The following ELP3 variants were observed in gnomAD, a reference collection of about 807,000 sequenced individuals.
ELP3 encodes elongator acetyltransferase complex subunit 3.
A neutral mutation model predicts 74.9 loss-of-function variants in ELP3; 56 were observed. That is an observed-to-expected ratio of 0.75 (90% CI 0.60 to 0.93). The LOEUF (loss-of-function observed/expected upper bound fraction) is 0.93, where lower values mean the gene tolerates loss of function less well. Ranked by LOEUF, ELP3 falls within the 40% of genes least tolerant of loss-of-function variation. The pLI, the probability that ELP3 is intolerant of heterozygous loss-of-function variation, is 0.00. For synonymous variants in ELP3, 222 were observed against 239.8 expected (o/e 0.93, Z 0.68); for missense variants, 573 against 686.5 (o/e 0.83, Z 1.85).
At chr8:28,140,012 TA>T (rs1813166244) in intron 10 of ELP3, among the ~76,000 whole-genome samples, 1 of 152,200 alleles carries the variant, frequency 6.6e-6, no homozygotes, top group South Asian at 2.1e-4. Flanking sequence ...ATGCAAATAC[TA>T]CACCATTTTA....
At chr8:28,157,443 G>A (rs1265894374) in intron 11 of ELP3, among the ~76,000 whole-genome samples, 1 of 152,108 alleles carries the variant, frequency 6.6e-6, no homozygotes, top group African/African-American at 2.4e-5. Context: ...GATCATCTTC[G>A]TCTGCTGTAC....
intron 14 of ELP3, among the ~76,000 whole-genome samples, chr8:28,178,883 C>G (rs115324595): frequency 2.2e-3 from 333 of 152,232 alleles, no homozygotes; most frequent in African/African-American, 7.3e-3. Context: ...TGTTTACTGG[C>G]CATTTGGAGA....
chr8:28,137,766 G>T lies in ELP3; in HGVS notation c.975G>T (p.Gly325=), dbSNP rs1813046960. 3.7e-6 allele frequency: 6 copies of T among 1,614,002 alleles called. No individual in the cohort carries two copies. Among genetic ancestry groups the T allele is most frequent in the Middle Eastern group, 3.3e-4 (2 of 6,084 alleles). The change falls in exon 10 of 15, where the codon GGG becomes GGT. Residue 325 remains glycine, a synonymous_variant. Transcript: ENST00000256398. ...TCTATCCTACCCTGGTGATTCGTGG[G>T]ACCGGGCTTTATGAGCTTTGGAAAT... The part of the protein sequence containing the change: ...LKLYPTLVIR[G]TGLYELWKSG...
intron 14 of ELP3, among the ~76,000 whole-genome samples, chr8:28,177,537 ATTTCT>A (rs1315798049): frequency 2.0e-5 from 3 of 152,220 alleles, no homozygotes; most frequent in Non-Finnish European, 1.5e-5. Context: ...TATTTCACTG[ATTTCT>A]TTTAATTAAA....
intron 14 of ELP3, among the ~76,000 whole-genome samples, chr8:28,162,935 G>A (rs890546270): frequency 2.6e-5 from 4 of 152,296 alleles, no homozygotes; most frequent in South Asian, 4.1e-4. Flanking sequence ...CATGACCTGC[G>A]TCAGGGGAGA....
At chr8:28,097,340 G>A in intron 2 of ELP3, 22 bp downstream of exon 2, 11 of 1,526,618 alleles carry the variant, frequency 7.2e-6, no homozygotes, top group Non-Finnish European at 1.0e-5. Context: ...TAAAGAGAGA[G>A]CAAGCTTGTT....
intron 14 of ELP3, among the ~76,000 whole-genome samples, chr8:28,184,615 G>A (rs1815160222): frequency 6.6e-6 from 1 of 152,194 alleles, no homozygotes; most frequent in Non-Finnish European, 1.5e-5. Context: ...GTCCAGTCCT[G>A]TGTTAGATGT....
rs546161781 is a variant in ELP3, at chr8:28,112,251, C to T, written c.463-768C>T. Among the ~76,000 whole-genome samples, 10 of 152,124 alleles carry T rather than the reference C, an allele frequency of 6.6e-5. No homozygotes were observed. The East Asian group carries it at 1.9e-3, about 29-fold the overall frequency. On this transcript the variant is annotated intron_variant, in intron 6 of 14. Coordinates refer to ENST00000256398, the MANE Select transcript of ELP3 (RefSeq NM_018091.6). ...CCTCCGCCTCCTGGTTCAAGCGATT[C>T]TCTTGCCTCAGCCTCCAGAGTAGCT...
chr8:28,100,095 G>C, intron 3 of ELP3, 129 bp downstream of exon 3: 1 of 1,178,080 alleles, frequency 8.5e-7, no homozygotes, highest in South Asian at 1.4e-5. Flanking sequence ...CCTGTATTAG[G>C]ATATGTGCTG....
At position 28,147,494 on chromosome 8, in the gene ELP3, A is replaced by G. The variant is rs1813477939; in HGVS notation, c.1101-8448A>G. Among the ~76,000 whole-genome samples the G allele has an allele frequency of 6.6e-6, 1 of 152,236 alleles. No individual in the cohort carries two copies. Among genetic ancestry groups the G allele is most frequent in the Non-Finnish European group, 1.5e-5 (1 of 68,046 alleles). On this transcript the variant is annotated intron_variant, in intron 10 of 14. Coordinates refer to ENST00000256398, the MANE Select transcript of ELP3 (RefSeq NM_018091.6). The surrounding 1 kb of genome is among the most constrained non-coding windows in gnomAD (Gnocchi z 4.5). ...TTCTCACTCCCTGAAGGGATTTACA[A>G]ACATTTAAAAGGTGAAAGCTGAAAA...
chr8:28,184,450 G>A (rs185221929), intron 14 of ELP3, among the ~76,000 whole-genome samples: 31 of 152,282 alleles, frequency 2.0e-4, no homozygotes, highest in Non-Finnish European at 3.5e-4. Context: ...ACCCCCTGTA[G>A]AAAGGAAAAA....
chr8:28,102,419 A>G (rs1002821784), intron 3 of ELP3, among the ~76,000 whole-genome samples: 2 of 152,112 alleles, frequency 1.3e-5, no homozygotes, highest in Admixed American at 1.3e-4. Flanking sequence ...TCTTGTTTAG[A>G]TTATTTCAGT....
chr8:28,163,375 T>TA (rs914068542), intron 14 of ELP3, among the ~76,000 whole-genome samples: 8 of 151,680 alleles, frequency 5.3e-5, no homozygotes, highest in African/African-American at 1.7e-4. Flanking sequence ...TGAGGTTTTT[T>TA]AAAAAAAAAT....
At chr8:28,140,106 T>C (rs1323786923) in intron 10 of ELP3, among the ~76,000 whole-genome samples, 1 of 143,366 alleles carries the variant, frequency 7.0e-6, no homozygotes, top group African/African-American at 2.6e-5. Flanking sequence ...GGGACAACTG[T>C]ACATATTTTG....
chr8:28,115,272 A>C (rs548821308), intron 7 of ELP3, among the ~76,000 whole-genome samples: 14 of 152,282 alleles, frequency 9.2e-5, no homozygotes, highest in Middle Eastern at 3.4e-3. Context: ...CTCATAGGTA[A>C]CATTGACAAC....
At chr8:28,178,308 C>T (rs1814847466) in intron 14 of ELP3, among the ~76,000 whole-genome samples, 1 of 152,166 alleles carries the variant, frequency 6.6e-6, no homozygotes, top group Non-Finnish European at 1.5e-5. Context: ...ACTCTCTAAC[C>T]CCCACTTATG....
chr8:28,145,885 A>G (rs112376801), intron 10 of ELP3, among the ~76,000 whole-genome samples: 2,478 of 152,276 alleles, frequency 0.016, 69 homozygotes, highest in African/African-American at 0.055. Context: ...CGGCCACCCA[A>G]AGTGCTGGGA....
chr8:28,171,024 T>G (rs977561445), intron 14 of ELP3, among the ~76,000 whole-genome samples: 2 of 152,204 alleles, frequency 1.3e-5, no homozygotes, highest in South Asian at 4.1e-4. Flanking sequence ...AGAATTTGCT[T>G]CCTTGTTATG....
intron 2 of ELP3, 61 bp from the exon 3 acceptor site, chr8:28,099,767 C>G: frequency 2.5e-6 from 4 of 1,586,462 alleles, no homozygotes; most frequent in Non-Finnish European, 3.5e-6. Context: ...ATAGATCATC[C>G]TCTTGGTAGC....
Sources: gnomAD v4.1 joint callset for allele counts (sites outside exome capture counted in the v4.1 genomes callset) on GRCh38, gnomAD v4.1.1 for gene constraint, Gnocchi (gnomAD v3.1) non-coding constraint, MANE v1.5 for transcripts, NCBI Gene and HGNC (gene_info 2026-07-23, HGNC 2026-07-21) for gene names.